The following GULP1 variants were observed in gnomAD, a reference collection of about 807,000 sequenced individuals.
The protein encoded by GULP1 is GULP PTB domain containing engulfment adaptor 1, also known as PTB domain-containing engulfment adapter protein 1.
In GULP1, 19 loss-of-function variants were observed where a neutral mutation model predicts 40.9. That is an observed-to-expected ratio of 0.46 (90% confidence interval 0.32 to 0.68). The LOEUF (loss-of-function observed/expected upper bound fraction) is 0.68. GULP1 is among the 30% of genes least tolerant of loss of function. The pLI, the probability that GULP1 is intolerant of heterozygous loss-of-function variation, is 0.03. For synonymous variants in GULP1, 119 were observed against 117.6 expected (o/e 1.01, Z -0.08); for missense variants, 312 against 362.2 (o/e 0.86, Z 1.12).
At chr2:188,355,866 C>T (rs936144831) in intron 1 of GULP1, among the ~76,000 whole-genome samples, 1 of 151,920 alleles carries the variant, frequency 6.6e-6, no homozygotes, top group Non-Finnish European at 1.5e-5. Flanking sequence ...ACCTGGAATG[C>T]AAGAATGGTT....
chr2:188,528,434 T>C (rs1171968995), intron 5 of GULP1, among the ~76,000 whole-genome samples: 1 of 151,862 alleles, frequency 6.6e-6, no homozygotes, highest in African/African-American at 2.4e-5. Flanking sequence ...TATAACAGAA[T>C]CGAACAAGCA....
chr2:188,449,845 A>T (rs2152912816), intron 2 of GULP1, among the ~76,000 whole-genome samples: 1 of 152,310 alleles, frequency 6.6e-6, no homozygotes, highest in South Asian at 2.1e-4. Flanking sequence ...TGAAGTTTAA[A>T]GGAGGTAGGT....
At chr2:188,421,102 AG>A (rs2152766311) in intron 2 of GULP1, among the ~76,000 whole-genome samples, 1 of 152,316 alleles carries the variant, frequency 6.6e-6, no homozygotes, top group South Asian at 2.1e-4. Context: ...AAATTGGAAA[AG>A]AGGTAAAATT....
intron 1 of GULP1, among the ~76,000 whole-genome samples, chr2:188,303,592 G>A (rs1007088864): frequency 1.3e-5 from 2 of 152,104 alleles, no homozygotes; most frequent in East Asian, 1.9e-4. Flanking sequence ...GACTGAGAAA[G>A]GCTAATGTAT....
At chr2:188,313,336 A>G (rs2038505727) in intron 1 of GULP1, among the ~76,000 whole-genome samples, 1 of 152,096 alleles carries the variant, frequency 6.6e-6, no homozygotes, top group Non-Finnish European at 1.5e-5. Flanking sequence ...TTTTCTGCAT[A>G]TGGCTAGCCA....
At chr2:188,338,186 C>A (rs539426339) in intron 1 of GULP1, among the ~76,000 whole-genome samples, 1 of 151,986 alleles carries the variant, frequency 6.6e-6, no homozygotes, top group South Asian at 2.1e-4. Context: ...CATTGATGAA[C>A]AATTCCTCTC....
At chr2:188,375,047 A>G (rs982786932) in intron 1 of GULP1, among the ~76,000 whole-genome samples, 6 of 152,218 alleles carry the variant, frequency 3.9e-5, no homozygotes, top group Non-Finnish European at 7.3e-5. Context: ...ATAACCAATC[A>G]TCATATAAAA....
intron 1 of GULP1, among the ~76,000 whole-genome samples, chr2:188,376,711 A>G (rs35915909): frequency 2.0e-5 from 3 of 152,228 alleles, no homozygotes; most frequent in Admixed American, 6.5e-5. Flanking sequence ...GTCAAAGATT[A>G]AAAAGATAAT....
rs116466596 is a variant in GULP1, at chr2:188,449,075, A to G, written c.-44-28584A>G. Reference sequence around the variant, plus strand: ...TATAGCAACACAAAAACAGCCAAACACAGAAAATATGTGAAAGTGCCTAGA... The same window carrying G: ...TATAGCAACACAAAAACAGCCAAACGCAGAAAATATGTGAAAGTGCCTAGA... On this transcript the variant is annotated intron_variant, in intron 2 of 11. Coordinates refer to ENST00000409830, the MANE Select transcript of GULP1 (RefSeq NM_016315.4). Among the ~76,000 whole-genome samples the G allele has an allele frequency of 3.9e-3, 591 of 152,310 alleles. 8 individuals carry two copies. The highest frequency in any genetic ancestry group is 0.014 in the African/African-American group (569 of 41,564).
At chr2:188,398,714 T>C (rs879256424) in intron 2 of GULP1, among the ~76,000 whole-genome samples, 1 of 152,204 alleles carries the variant, frequency 6.6e-6, no homozygotes, top group Non-Finnish European at 1.5e-5. Context: ...GTATCACTTA[T>C]TACACTGAAG....
intron 1 of GULP1, among the ~76,000 whole-genome samples, chr2:188,312,115 A>G (rs2038252464): frequency 6.6e-6 from 1 of 151,980 alleles, no homozygotes; most frequent in Non-Finnish European, 1.5e-5. Context: ...TCTTTCTGTT[A>G]TGTCATATCT....
intron 2 of GULP1, among the ~76,000 whole-genome samples, chr2:188,402,869 G>A (rs954056617): frequency 1.3e-5 from 2 of 152,196 alleles, no homozygotes; most frequent in Non-Finnish European, 2.9e-5. Context: ...TAAGCTGTCT[G>A]CACAAATTAA....
At chr2:188,396,961 C>A (rs1052664496) in intron 2 of GULP1, among the ~76,000 whole-genome samples, 2 of 152,142 alleles carry the variant, frequency 1.3e-5, no homozygotes, top group Non-Finnish European at 2.9e-5. Flanking sequence ...TAAGGCCTTC[C>A]CCTGTAGCCT....
At chr2:188,439,002 T>A (rs1057007939) in intron 2 of GULP1, among the ~76,000 whole-genome samples, 2 of 152,102 alleles carry the variant, frequency 1.3e-5, no homozygotes, top group African/African-American at 4.8e-5. Context: ...CTCTATGAAT[T>A]GTTTGTTAAA....
At chr2:188,588,456 G>C (rs1702860816) in intron 11 of GULP1, 1 of 157,606 alleles carries the variant, frequency 6.3e-6, no homozygotes, top group African/African-American at 2.4e-5. Context: ...TAGTTCAGTT[G>C]GGTTTTCATT....
chr2:188,347,576 G>A (rs867315787), intron 1 of GULP1, among the ~76,000 whole-genome samples: 7 of 150,284 alleles, frequency 4.7e-5, no homozygotes, highest in African/African-American at 9.8e-5. Context: ...ATTAGCACAC[G>A]TGTAGTTTCA....
chr2:188,561,560 A>C (rs1159290638), intron 7 of GULP1, among the ~76,000 whole-genome samples: 1 of 152,120 alleles, frequency 6.6e-6, no homozygotes, highest in East Asian at 1.9e-4. Context: ...TGGGTAATCC[A>C]CATGATCCTG....
intron 2 of GULP1, among the ~76,000 whole-genome samples, chr2:188,470,803 T>C (rs1414655267): frequency 6.6e-6 from 1 of 152,168 alleles, no homozygotes; most frequent in Non-Finnish European, 1.5e-5. Context: ...GTTTTTTGAA[T>C]ATTTTAAACT....
intron 4 of GULP1, among the ~76,000 whole-genome samples, chr2:188,490,058 A>G (rs1178795723): frequency 6.6e-6 from 1 of 152,158 alleles, no homozygotes; most frequent in Non-Finnish European, 1.5e-5. Flanking sequence ...AATAGGAACT[A>G]AAAACTTTTA....
Sources: gnomAD v4.1 joint callset for allele counts (sites outside exome capture counted in the v4.1 genomes callset) on GRCh38, gnomAD v4.1.1 for gene constraint, MANE v1.5 for transcripts, NCBI Gene and HGNC (gene_info 2026-07-23, HGNC 2026-07-21) for gene names.